CHD6: variants seen among roughly 807,000 people sequenced by gnomAD.
The protein encoded by CHD6 is ATP-dependent chromatin remodeler CHD6.
In CHD6, 50 loss-of-function variants were observed where a neutral mutation model predicts 276.9. The ratio of observed to expected loss-of-function variants is 0.18; its 90% CI spans 0.14 to 0.23. The LOEUF (loss-of-function observed/expected upper bound fraction) is 0.23. Among genes scored for constraint, CHD6 ranks in the 10% least tolerant of loss-of-function variants. The pLI, the probability that CHD6 is intolerant of heterozygous loss-of-function variation, is 1.00. For missense variants in CHD6, 2,564 were observed against 3,365.8 expected (o/e 0.76, Z 5.89); for synonymous variants, 1,173 against 1,229.3 (o/e 0.95, Z 0.96).
intron 20 of CHD6, among the ~76,000 whole-genome samples, chr20:41,453,734 AGCTTCTTGATT>A (rs1315013758): frequency 6.6e-6 from 1 of 152,240 alleles, no homozygotes; most frequent in Non-Finnish European, 1.5e-5. Flanking sequence ...CACACACAGT[AGCTTCTTGATT>A]GCGACACTGT....
chr20:41,593,868 A>G lies in CHD6; in HGVS notation c.-24+24472T>C, dbSNP rs575698486. 2.6e-5 allele frequency among the ~76,000 whole-genome samples: 4 copies of G among 152,292 alleles called. No individual in the cohort carries two copies. In the East Asian group the frequency reaches 5.8e-4, roughly 22 times the overall value. On this transcript the variant is annotated intron_variant, in intron 1 of 36. Coordinates refer to ENST00000373233, the MANE Select transcript of CHD6 (RefSeq NM_032221.5). ...GAAGAAAGAAACCGAACCTGCTGAC[A>G]TCTTGATCTTGGACTTCCAGGCACC...
At chr20:41,434,310 A>G (rs145912379) in intron 27 of CHD6, among the ~76,000 whole-genome samples, 2 of 152,364 alleles carry the variant, frequency 1.3e-5, no homozygotes, top group Non-Finnish European at 2.9e-5. Flanking sequence ...GAAAATTATC[A>G]GAGTCAAGAG....
rs548860803 is a variant in CHD6 at position 41,518,404 on chromosome 20, C to G, written c.555-3452G>C. Reference sequence around the variant, plus strand: ...GGAATAGAACTTCCTCAAAATATGACACTTCACTAGGAGACTTGTGTGCAT... The same window carrying G: ...GGAATAGAACTTCCTCAAAATATGAGACTTCACTAGGAGACTTGTGTGCAT... On this transcript the variant is annotated intron_variant, in intron 3 of 36. Transcript: ENST00000373233. Among the ~76,000 whole-genome samples the G allele has an allele frequency of 8.6e-4, 131 of 152,250 alleles. 1 individual carries two copies. Among genetic ancestry groups the G allele is most frequent in the African/African-American group, 3.0e-3 (126 of 41,556 alleles).
At chr20:41,474,814 TG>T (rs565350062) in intron 16 of CHD6, among the ~76,000 whole-genome samples, 74 of 152,164 alleles carry the variant, frequency 4.9e-4, no homozygotes, top group Non-Finnish European at 5.0e-4. Context: ...GAAATGTACA[TG>T]AAGAAACCTG....
At position 41,493,688 on chromosome 20, in the gene CHD6, G is replaced by T. The variant is rs760860307; in HGVS notation, c.1180-16C>A. On this transcript the variant is annotated splice_polypyrimidine_tract_variant and intron_variant, in intron 9 of 36. Coordinates refer to ENST00000373233, the MANE Select transcript of CHD6 (RefSeq NM_032221.5). ...GTGTTACCTCCTGGTGGGAAAACAG[G>T]AAAGAAACTTAATGTTCTATTAGGT... 2 of 1,612,608 alleles carry T rather than the reference G, an allele frequency of 1.2e-6. No individual in the cohort carries two copies. Among genetic ancestry groups the T allele is most frequent in the Non-Finnish European group, 1.7e-6 (2 of 1,179,468 alleles).
At chr20:41,526,407 T>C (rs1489780791) in intron 3 of CHD6, among the ~76,000 whole-genome samples, 1 of 152,184 alleles carries the variant, frequency 6.6e-6, no homozygotes, top group Non-Finnish European at 1.5e-5. Context: ...TCAATAAAGA[T>C]CTCTCTAAAC....
In CHD6 at chr20:41,575,940, T is replaced by C. The variant is rs147609412; in HGVS notation, c.-23-24580A>G. Among the ~76,000 whole-genome samples the C allele has an allele frequency of 2.1e-3, 314 of 152,208 alleles. 1 individual carries two copies. The highest frequency in any genetic ancestry group is 7.0e-3 in the African/African-American group (292 of 41,512). On this transcript the variant is annotated intron_variant, in intron 1 of 36. Transcript: ENST00000373233. Reference sequence around the variant, plus strand: ...CTATGACTCATTCCCTAAAACTACATACCATGAAAAAAAACTTTGGGAAAT... The same window carrying C: ...CTATGACTCATTCCCTAAAACTACACACCATGAAAAAAAACTTTGGGAAAT...
chr20:41,584,335 G>C (rs779527954), intron 1 of CHD6, among the ~76,000 whole-genome samples: 72 of 152,100 alleles, frequency 4.7e-4, no homozygotes, highest in Non-Finnish European at 9.4e-4. Flanking sequence ...AACAGCATAC[G>C]ATGTAAGAAT....
chr20:41,553,812 A>C (rs921075063), intron 1 of CHD6, among the ~76,000 whole-genome samples: 1 of 152,224 alleles, frequency 6.6e-6, no homozygotes. Flanking sequence ...ATTTCTAACA[A>C]TATGTCTCAA....
At chr20:41,466,954 C>T (rs1340719867) in intron 17 of CHD6, among the ~76,000 whole-genome samples, 1 of 152,184 alleles carries the variant, frequency 6.6e-6, no homozygotes, top group African/African-American at 2.4e-5. Flanking sequence ...TGCCTGCTTT[C>T]CTTATTTTTC....
At chr20:41,439,876 G>T in intron 26 of CHD6, 124 bp downstream of exon 26, 2 of 925,318 alleles carry the variant, frequency 2.2e-6, no homozygotes, top group South Asian at 1.8e-5. Context: ...CAGCGGCAGT[G>T]TGGCAAGGTG....
chr20:41,512,984 C>G lies in CHD6; in HGVS notation c.714G>C (p.Ser238=), dbSNP rs187181944. 1.9e-6 allele frequency: 3 copies of G among 1,614,002 alleles called. No individual in the cohort carries two copies. The highest frequency in any genetic ancestry group is 2.5e-6 in the Non-Finnish European group (3 of 1,179,914). Residue 238 remains serine (S), a synonymous_variant, in exon 5 of 37, where the codon TCG becomes TCC. Coordinates refer to ENST00000373233, the MANE Select transcript of CHD6 (RefSeq NM_032221.5). ...TESTDSQKRR[S]GRQVKRRKYN... ...ATTTTCTGCGCTTTACTTGCCTTCC[C>G]GAGCGTCGTTTCTGTAGGGCAAACA...
intron 1 of CHD6, among the ~76,000 whole-genome samples, chr20:41,592,083 A>G (rs1425766196): frequency 6.6e-6 from 1 of 152,216 alleles, no homozygotes; most frequent in Admixed American, 6.5e-5. Flanking sequence ...TGGGCGACAG[A>G]GTGAGACTCT....
chr20:41,605,235 G>C (rs1357613413), intron 1 of CHD6, among the ~76,000 whole-genome samples: 1 of 152,098 alleles, frequency 6.6e-6, no homozygotes. Context: ...GGGTGTTCAT[G>C]GTATTGTTCT....
At chr20:41,543,233 AT>A in intron 2 of CHD6, among the ~76,000 whole-genome samples, 1 of 152,204 alleles carries the variant, frequency 6.6e-6, no homozygotes, top group Non-Finnish European at 1.5e-5. Flanking sequence ...TTATGACTCC[AT>A]TTTACAGAGT....
intron 1 of CHD6, among the ~76,000 whole-genome samples, chr20:41,591,321 T>G (rs948170719): frequency 6.6e-6 from 1 of 151,260 alleles, no homozygotes; most frequent in Non-Finnish European, 1.5e-5. Context: ...GTAACAAACC[T>G]GCACAATGTG....
intron 1 of CHD6, among the ~76,000 whole-genome samples, chr20:41,567,913 C>A (rs1255409879): frequency 1.3e-5 from 2 of 152,156 alleles, no homozygotes. Flanking sequence ...TGTAACTACA[C>A]AGATGTCTAC....
intron 5 of CHD6, among the ~76,000 whole-genome samples, chr20:41,506,576 T>G (rs528926793): frequency 6.6e-6 from 1 of 152,340 alleles, no homozygotes. Flanking sequence ...CATATCACCC[T>G]TATTCTAATA....
chr20:41,557,412 C>CT (rs543587210), intron 1 of CHD6, among the ~76,000 whole-genome samples: 74 of 147,096 alleles, frequency 5.0e-4, no homozygotes, highest in East Asian at 4.9e-3. Context: ...GTTTTCTTTT[C>CT]TTTTTTTTTT....
Sources: allele counts gnomAD v4.1 joint callset (sites outside exome capture counted in the v4.1 genomes callset), GRCh38; gene constraint gnomAD v4.1.1; transcripts MANE v1.5; gene names NCBI Gene and HGNC (gene_info 2026-07-23, HGNC 2026-07-21).